Variants in SLC25A37 observed in about 807,000 individuals in gnomAD.
The protein encoded by SLC25A37 is mitoferrin-1.
SLC25A37 carries 17 observed loss-of-function variants against 31.0 expected under a neutral mutation model. The ratio of observed to expected loss-of-function variants is 0.55; its 90% CI spans 0.38 to 0.82. SLC25A37 has a LOEUF of 0.82. SLC25A37 is among the 40% of genes least tolerant of loss of function. The pLI is 0.00. For synonymous variants in SLC25A37, 222 were observed against 193.0 expected, an observed-to-expected ratio of 1.15 and a Z score of -1.24; for missense variants, 404 against 465.8, an observed-to-expected ratio of 0.87 and a Z score of 1.22.
intron 1 of SLC25A37, among the ~76,000 whole-genome samples, chr8:23,545,234 G>T (rs1369340969): frequency 6.6e-6 from 1 of 152,248 alleles, no homozygotes; most frequent in Non-Finnish European, 1.5e-5. Context: ...ACCAGGGCCT[G>T]CTCTGGAGGC....
intron 1 of SLC25A37, chr8:23,543,306 C>T (rs2117400738): frequency 6.6e-6 from 1 of 152,300 alleles, no homozygotes; most frequent in Admixed American, 6.5e-5. Flanking sequence ...CTCAAGCAGT[C>T]CTCCTGCCTC....
intron 3 of SLC25A37, 130 bp downstream of exon 3, chr8:23,568,508 G>C (rs543540628): frequency 9.8e-7 from 1 of 1,025,198 alleles, no homozygotes; most frequent in East Asian, 2.4e-5. Context: ...GCAGACAGGA[G>C]AATTGAATTT....
At chr8:23,552,319 T>C (rs576002429) in intron 1 of SLC25A37, among the ~76,000 whole-genome samples, 291 of 152,310 alleles carry the variant, frequency 1.9e-3, no homozygotes, top group Non-Finnish European at 2.7e-3. Context: ...TCAGGAAGCA[T>C]GGTTAGGGGA....
rs1563255855 is a variant in SLC25A37, at chr8:23,546,529, GTGTATATATATATATATA to G, written c.210+17319_210+17336del. Among the ~76,000 whole-genome samples, 107 of 64,100 alleles carry G rather than the reference GTGTATATATATATATATA, an allele frequency of 1.7e-3. 1 individual carries two copies. The highest frequency in any genetic ancestry group is 3.8e-3 in the African/African-American group (87 of 22,612). 42.1% of individuals were successfully genotyped at this position (64,100 alleles called of 152,430 possible). ...TATATATAGGTATATATATATATAG[GTGTATATATATATATATA>G]TATATAGTGTATATATATATATATA... On this transcript the variant is annotated intron_variant, in intron 1 of 3. Coordinates refer to ENST00000519973, the MANE Select transcript of SLC25A37 (RefSeq NM_016612.4).
chr8:23,568,030 G>C (rs1802714923), intron 2 of SLC25A37: 1 of 454,338 alleles, frequency 2.2e-6, no homozygotes, highest in African/African-American at 2.0e-5. Flanking sequence ...TGGTTTCTGG[G>C]AACCACCAAC....
At chr8:23,540,686 A>C (rs1406128128) in intron 1 of SLC25A37, among the ~76,000 whole-genome samples, 1 of 152,226 alleles carries the variant, frequency 6.6e-6, no homozygotes, top group East Asian at 1.9e-4. Flanking sequence ...CTAGTCGTGA[A>C]GATTCCTTTC....
chr8:23,568,764 G>A (rs1313801115), intron 3 of SLC25A37: 1 of 258,344 alleles, frequency 3.9e-6, no homozygotes, highest in African/African-American at 2.2e-5. Context: ...CCAACATGGA[G>A]AGACCCCCAT....
At chr8:23,553,839 C>G (rs1317048371) in intron 1 of SLC25A37, among the ~76,000 whole-genome samples, 2 of 152,196 alleles carry the variant, frequency 1.3e-5, no homozygotes, top group Non-Finnish European at 2.9e-5. Flanking sequence ...CTGTAAGTTA[C>G]ACTCTTGCAG....
intron 1 of SLC25A37, among the ~76,000 whole-genome samples, chr8:23,549,557 C>A (rs77298095): frequency 0.072 from 11,027 of 152,254 alleles, 813 homozygotes; most frequent in East Asian, 0.34. Flanking sequence ...GTGTTTCTCC[C>A]TGAGACCCTT....
At chr8:23,564,229 T>C (rs910596269) in intron 1 of SLC25A37, among the ~76,000 whole-genome samples, 2 of 152,112 alleles carry the variant, frequency 1.3e-5, no homozygotes, top group Admixed American at 6.5e-5. Context: ...ATCTGAACTA[T>C]GAAAATGACC....
chr8:23,566,014 T>A (rs1802641925), intron 1 of SLC25A37, 94 bp from the exon 2 acceptor site: 1 of 1,446,108 alleles, frequency 6.9e-7, no homozygotes, highest in Non-Finnish European at 9.1e-7. Context: ...TATGACATTG[T>A]TTTTCTCTCT....
chr8:23,536,410 C>A (rs1027087834), intron 1 of SLC25A37, among the ~76,000 whole-genome samples: 4 of 152,166 alleles, frequency 2.6e-5, no homozygotes, highest in African/African-American at 9.7e-5. Context: ...TTCTGGCTAC[C>A]CATCATCTTC....
chr8:23,570,627 ACT>A (rs922000399), intron 3 of SLC25A37, among the ~76,000 whole-genome samples: 11 of 152,044 alleles, frequency 7.2e-5, no homozygotes, highest in South Asian at 2.1e-4. Context: ...TGAGGCTCAA[ACT>A]CTCTCTTTCT....
chr8:23,572,141 G>T lies in SLC25A37; in HGVS notation c.*286G>T, dbSNP rs562195038. The T allele has an allele frequency of 2.1e-4, 53 of 249,164 alleles. No individual in the cohort carries two copies. The highest frequency in any genetic ancestry group is 1.3e-3 in the African/African-American group (51 of 39,196). 15.4% of individuals were successfully genotyped at this position (249,164 alleles called of 1,614,324 possible). On this transcript the variant is annotated 3_prime_UTR_variant, in exon 4 of 4. Transcript: ENST00000519973. The stretch of plus-strand genomic sequence containing the variant: ...GTAGCTTTTCTGCTTCACTGTGGCA[G>T]CCTCCTCCCTGGATCCTTAGATCCC...
intron 3 of SLC25A37, 149 bp from the exon 4 acceptor site, chr8:23,571,186 G>A: frequency 1.1e-6 from 1 of 933,174 alleles, no homozygotes; most frequent in Middle Eastern, 3.4e-4. Context: ...CTCAGACTAG[G>A]GCTGTGTGTG....
At chr8:23,537,538 C>A (rs914253469) in intron 1 of SLC25A37, among the ~76,000 whole-genome samples, 3 of 152,196 alleles carry the variant, frequency 2.0e-5, no homozygotes, top group African/African-American at 7.2e-5. Context: ...GCTCTTCAGC[C>A]TCCAAGCCCA....
intron 1 of SLC25A37, among the ~76,000 whole-genome samples, chr8:23,562,107 C>A (rs1802531338): frequency 6.6e-6 from 1 of 152,200 alleles, no homozygotes. Flanking sequence ...TTGGTAGGAC[C>A]CTGCCCTTGG....
chr8:23,540,923 GTATT>G (rs1320492139), intron 1 of SLC25A37, among the ~76,000 whole-genome samples: 2 of 152,196 alleles, frequency 1.3e-5, no homozygotes, highest in Non-Finnish European at 2.9e-5. Flanking sequence ...CTAGGTCATG[GTATT>G]TATTATCACA....
chr8:23,571,075 T>C lies in SLC25A37; in HGVS notation c.497-260T>C, dbSNP rs188142232. ...GGTTCGGGGGCTGCCTTCAGCAAGATTCAGGCAGGAGAGACGGAAATAGCC... is the reference window on the plus strand; with the variant it reads ...GGTTCGGGGGCTGCCTTCAGCAAGACTCAGGCAGGAGAGACGGAAATAGCC... On this transcript the variant is annotated intron_variant, in intron 3 of 3. Transcript: ENST00000519973. Among the ~76,000 whole-genome samples the C allele has an allele frequency of 3.5e-3, 532 of 152,244 alleles. 3 individuals carry two copies. Among genetic ancestry groups the C allele is most frequent in the African/African-American group, 0.012 (507 of 41,540 alleles).
Sources: allele counts gnomAD v4.1 joint callset (sites outside exome capture counted in the v4.1 genomes callset), GRCh38; gene constraint gnomAD v4.1.1; transcripts MANE v1.5; gene names NCBI Gene and HGNC (gene_info 2026-07-23, HGNC 2026-07-21).